CIMAP3: variants seen among roughly 807,000 people sequenced by gnomAD.
CIMAP3 encodes the protein ciliary microtubule associated protein 3, also known as ciliary microtubule-associated protein 3.
At chr1:111,338,148 C>T in the CIMAP3 span, among the ~76,000 whole-genome samples, 914 of 150,056 alleles carry the variant, frequency 6.1e-3, 11 homozygotes, top group African/African-American at 0.021. Flanking sequence ...TTGAAACCAA[C>T]GAGAACAAAG....
chr1:111,336,639 G>A, the CIMAP3 span, among the ~76,000 whole-genome samples: 6 of 152,118 alleles, frequency 3.9e-5, no homozygotes, highest in Admixed American at 2.6e-4. Flanking sequence ...GAGAAGGGAC[G>A]TTTAGAGAAA....
At chr1:111,348,617 G>A in the CIMAP3 span, 4 of 1,610,942 alleles carry the variant, frequency 2.5e-6, no homozygotes, top group South Asian at 3.3e-5. Flanking sequence ...CTCGATTTAA[G>A]AACTACCCAA....
chr1:111,334,754 A>G, the CIMAP3 span, among the ~76,000 whole-genome samples: 1 of 152,234 alleles, frequency 6.6e-6, no homozygotes, highest in African/African-American at 2.4e-5. Flanking sequence ...TTCTGAATTG[A>G]AAGATTCATT....
chr1:111,339,887 C>T, the CIMAP3 span, among the ~76,000 whole-genome samples: 43,963 of 150,936 alleles, frequency 0.29, 7,392 homozygotes, highest in South Asian at 0.42. Context: ...AAAAAGAGCC[C>T]GCATCGCCAA....
the CIMAP3 span, chr1:111,349,948 A>G: frequency 3.4e-6 from 2 of 588,424 alleles, no homozygotes; most frequent in Non-Finnish European, 6.1e-6. Flanking sequence ...CTCGAAATAC[A>G]TTAACAGGTA....
the CIMAP3 span, among the ~76,000 whole-genome samples, chr1:111,333,253 C>T: frequency 6.6e-6 from 1 of 152,220 alleles, no homozygotes; most frequent in Non-Finnish European, 1.5e-5. Context: ...ACCAGCATCA[C>T]AGCCTATCCT....
At chr1:111,340,379 A>T in the CIMAP3 span, among the ~76,000 whole-genome samples, 6 of 152,190 alleles carry the variant, frequency 3.9e-5, no homozygotes, top group Non-Finnish European at 7.4e-5. Context: ...ACTAAAGAGC[A>T]TCTGCACAGC....
chr1:111,333,005 T>C, the CIMAP3 span, among the ~76,000 whole-genome samples: 3 of 152,190 alleles, frequency 2.0e-5, no homozygotes, highest in Non-Finnish European at 4.4e-5. Flanking sequence ...GACAAGGGCC[T>C]GTCTGCAGTG....
the CIMAP3 span, among the ~76,000 whole-genome samples, chr1:111,341,334 T>C: frequency 2.0e-5 from 3 of 152,064 alleles, no homozygotes; most frequent in African/African-American, 7.3e-5. Context: ...ATTGTGCACA[T>C]GTACCCTAAA....
the CIMAP3 span, chr1:111,348,575 A>G: frequency 6.2e-7 from 1 of 1,612,812 alleles, no homozygotes; most frequent in Non-Finnish European, 8.5e-7. Flanking sequence ...AAAAACACAA[A>G]CAAAATTTTG....
the CIMAP3 span, among the ~76,000 whole-genome samples, chr1:111,337,902 A>G: frequency 6.6e-6 from 1 of 151,178 alleles, no homozygotes; most frequent in Non-Finnish European, 1.5e-5. Flanking sequence ...CATTTTTTTC[A>G]GCACCACACC....
At chr1:111,342,575 G>A in the CIMAP3 span, among the ~76,000 whole-genome samples, 1 of 152,144 alleles carries the variant, frequency 6.6e-6, no homozygotes. Context: ...CTCTGATTTG[G>A]CATCTCCTTT....
chr1:111,341,564 C>T, the CIMAP3 span, among the ~76,000 whole-genome samples: 1,202 of 152,226 alleles, frequency 7.9e-3, 15 homozygotes, highest in African/African-American at 0.027. Flanking sequence ...CCTTAGTTTC[C>T]TCATCTGTAA....
the CIMAP3 span, among the ~76,000 whole-genome samples, chr1:111,337,422 G>A: frequency 6.6e-6 from 1 of 152,214 alleles, no homozygotes; most frequent in Non-Finnish European, 1.5e-5. Flanking sequence ...AAAGAGTCAA[G>A]ACCCATCACT....
the CIMAP3 span, among the ~76,000 whole-genome samples, chr1:111,338,757 C>T: frequency 6.6e-6 from 1 of 151,932 alleles, no homozygotes; most frequent in African/African-American, 2.4e-5. Context: ...GGATTCACAG[C>T]CGAATTCTAC....
the CIMAP3 span, chr1:111,347,586 C>A: frequency 2.5e-6 from 2 of 800,782 alleles, no homozygotes. Context: ...ATTTCGATGG[C>A]CCTGATGTTC....
the CIMAP3 span, among the ~76,000 whole-genome samples, chr1:111,336,671 A>G: frequency 6.6e-6 from 1 of 152,174 alleles, no homozygotes; most frequent in Non-Finnish European, 1.5e-5. Flanking sequence ...GAAATGAACA[A>G]AGCCTCCAAG....
chr1:111,346,758 C>A, the CIMAP3 span: 1 of 1,550,644 alleles, frequency 6.4e-7, no homozygotes, highest in Non-Finnish European at 8.9e-7. Flanking sequence ...GGAGGAAGTG[C>A]AGTTCGCCCC....
the CIMAP3 span, among the ~76,000 whole-genome samples, chr1:111,333,051 A>T: frequency 1.3e-5 from 2 of 152,174 alleles, no homozygotes; most frequent in African/African-American, 4.8e-5. Flanking sequence ...CAGGCCCTGG[A>T]TGCAGGCCCA....
Sources: gnomAD v4.1 joint callset for allele counts (sites outside exome capture counted in the v4.1 genomes callset) on GRCh38, gnomAD v4.1.1 for gene constraint, MANE v1.5 for transcripts, NCBI Gene and HGNC (gene_info 2026-07-23, HGNC 2026-07-21) for gene names.